The following KCNJ15 variants were observed in gnomAD, a reference collection of about 807,000 sequenced individuals.
KCNJ15 encodes potassium inwardly rectifying channel subfamily J member 15, also known as ATP-sensitive inward rectifier potassium channel 15.
In KCNJ15, 14 loss-of-function variants were observed where a neutral mutation model predicts 23.0. The observed-to-expected ratio is 0.61, with a 90% CI of 0.40 to 0.95. The LOEUF (loss-of-function observed/expected upper bound fraction) is 0.95. Ranked by LOEUF, KCNJ15 falls within the 40% of genes least tolerant of loss-of-function variation. The pLI, the probability that KCNJ15 is intolerant of heterozygous loss-of-function variation, is 0.00. For missense variants in KCNJ15, 388 were observed against 461.8 expected, an observed-to-expected ratio of 0.84 and a Z score of 1.46; for synonymous variants, 185 against 183.2, an observed-to-expected ratio of 1.01 and a Z score of -0.08.
intron 1 of KCNJ15, among the ~76,000 whole-genome samples, chr21:38,270,956 C>G (rs1036137600): frequency 6.6e-6 from 1 of 152,116 alleles, no homozygotes; most frequent in African/African-American, 2.4e-5. Flanking sequence ...GATAGGCATA[C>G]AGCCTGGTTT....
At chr21:38,249,902 G>A (rs1601141826) in intron 1 of KCNJ15, among the ~76,000 whole-genome samples, 1 of 152,166 alleles carries the variant, frequency 6.6e-6, no homozygotes, top group African/African-American at 2.4e-5. Flanking sequence ...TTAGCTTAAT[G>A]TATTTGTTGT....
At chr21:38,283,381 G>C (rs544849200) in intron 1 of KCNJ15, among the ~76,000 whole-genome samples, 2 of 152,250 alleles carry the variant, frequency 1.3e-5, no homozygotes, top group African/African-American at 4.8e-5. Flanking sequence ...TATTTTAGAG[G>C]TGTTTTATTT....
chr21:38,305,052 C>A lies in KCNJ15; in HGVS notation c.*4663C>A, dbSNP rs1986004867. On this transcript the variant is annotated 3_prime_UTR_variant, in exon 3 of 3. Transcript: ENST00000398938. ...CTAAGATCGCGCCACTGCACTCCAG[C>A]CTGGGCAACAAAAGTAAAACTCCGT... 1 of 129,412 alleles carries A rather than the reference C, an allele frequency of 7.7e-6. No homozygotes were observed. Among genetic ancestry groups the A allele is most frequent in the Non-Finnish European group, 1.6e-5 (1 of 62,904 alleles). 8.0% of individuals were successfully genotyped at this position (129,412 alleles called of 1,614,324 possible).
intron 1 of KCNJ15, among the ~76,000 whole-genome samples, chr21:38,263,133 G>C (rs1981097190): frequency 6.6e-6 from 1 of 152,146 alleles, no homozygotes; most frequent in Non-Finnish European, 1.5e-5. Context: ...GCTTCTCCCA[G>C]ACAGGCCAAA....
chr21:38,239,105 GT>G (rs367803076), intron 1 of KCNJ15, among the ~76,000 whole-genome samples: 1 of 152,324 alleles, frequency 6.6e-6, no homozygotes, highest in South Asian at 2.1e-4. Flanking sequence ...AAAGATCTAT[GT>G]TTATGGTGCT....
At chr21:38,259,183 A>G (rs1312271132) in intron 1 of KCNJ15, among the ~76,000 whole-genome samples, 1 of 152,148 alleles carries the variant, frequency 6.6e-6, no homozygotes, top group Admixed American at 6.5e-5. Flanking sequence ...TTCCTGTGCA[A>G]TCCCCTCTCA....
chr21:38,273,389 T>C (rs577457790), intron 1 of KCNJ15, among the ~76,000 whole-genome samples: 1 of 152,228 alleles, frequency 6.6e-6, no homozygotes, highest in South Asian at 2.1e-4. Context: ...CAAGTCATAT[T>C]TGAATAACTT....
intron 1 of KCNJ15, among the ~76,000 whole-genome samples, chr21:38,232,400 T>C (rs1438516189): frequency 6.6e-6 from 1 of 151,898 alleles, no homozygotes; most frequent in East Asian, 1.9e-4. Context: ...GGAATCAACT[T>C]TTGGTTATTA....
chr21:38,274,709 A>G (rs1334450419), intron 1 of KCNJ15, among the ~76,000 whole-genome samples: 1 of 152,078 alleles, frequency 6.6e-6, no homozygotes, highest in African/African-American at 2.4e-5. Context: ...TGACCTCTGA[A>G]TCACGTCCTC....
chr21:38,247,930 G>A (rs77512704), intron 1 of KCNJ15, among the ~76,000 whole-genome samples: 2 of 152,182 alleles, frequency 1.3e-5, no homozygotes, highest in Non-Finnish European at 2.9e-5. Context: ...CCTTGCTGGC[G>A]TGGGCTTCCT....
At chr21:38,247,960 C>T (rs1316998245) in intron 1 of KCNJ15, among the ~76,000 whole-genome samples, 1 of 152,176 alleles carries the variant, frequency 6.6e-6, no homozygotes, top group Non-Finnish European at 1.5e-5. Context: ...ACTAAAATTC[C>T]ATCTCTAGGA....
At chr21:38,298,989 T>C (rs1418856396) in intron 2 of KCNJ15, among the ~76,000 whole-genome samples, 1 of 152,202 alleles carries the variant, frequency 6.6e-6, no homozygotes, top group Admixed American at 6.5e-5. Context: ...CCAGAGAGGT[T>C]AAATAGCTTT....
chr21:38,241,593 G>A (rs1978996741), intron 1 of KCNJ15, among the ~76,000 whole-genome samples: 1 of 152,114 alleles, frequency 6.6e-6, no homozygotes, highest in Non-Finnish European at 1.5e-5. Flanking sequence ...AATAAATCTG[G>A]GCAAAATATA....
chr21:38,269,086 T>C (rs776161346), intron 1 of KCNJ15: 8 of 152,212 alleles, frequency 5.3e-5, no homozygotes. Flanking sequence ...TTAAATGACA[T>C]GATTTTTTGT....
chr21:38,265,890 T>C (rs769010301), intron 1 of KCNJ15, among the ~76,000 whole-genome samples: 1 of 152,216 alleles, frequency 6.6e-6, no homozygotes, highest in South Asian at 2.1e-4. Context: ...TAAGAGGCAC[T>C]GGGACATTTG....
At chr21:38,282,567 C>G (rs1381536006) in intron 1 of KCNJ15, among the ~76,000 whole-genome samples, 1 of 152,148 alleles carries the variant, frequency 6.6e-6, no homozygotes, top group African/African-American at 2.4e-5. Flanking sequence ...AAATATTCTT[C>G]ACCCGAACAA....
intron 1 of KCNJ15, among the ~76,000 whole-genome samples, chr21:38,279,659 T>C (rs1166725463): frequency 6.6e-6 from 1 of 152,272 alleles, no homozygotes; most frequent in East Asian, 1.9e-4. Flanking sequence ...CACCCAGCCC[T>C]CAAGGAAGTG....
intron 1 of KCNJ15, among the ~76,000 whole-genome samples, chr21:38,288,030 GTTTTTTTTTTTTTTT>G (rs71184612): frequency 7.4e-5 from 6 of 81,424 alleles, no homozygotes; most frequent in East Asian, 3.8e-4. Flanking sequence ...TTTTTTCTTT[GTTTTTTTTTTTTTTT>G]TTTTTTTTTT....
At chr21:38,251,138 G>T (rs1028098534) in intron 1 of KCNJ15, among the ~76,000 whole-genome samples, 8 of 152,318 alleles carry the variant, frequency 5.3e-5, no homozygotes, top group Admixed American at 3.3e-4. Context: ...GTTGCAGTGG[G>T]CTGGAGAAGG....
Sources: allele counts gnomAD v4.1 joint callset (sites outside exome capture counted in the v4.1 genomes callset), GRCh38; gene constraint gnomAD v4.1.1; transcripts MANE v1.5; gene names NCBI Gene and HGNC (gene_info 2026-07-23, HGNC 2026-07-21).